The following PRKCZ variants were observed in gnomAD, a reference collection of about 807,000 sequenced individuals.
The protein encoded by PRKCZ is protein kinase C zeta, also known as protein kinase C zeta type.
A neutral mutation model predicts 79.5 loss-of-function variants in PRKCZ; 33 were observed. The observed-to-expected ratio is 0.41, with a 90% confidence interval of 0.31 to 0.55. The LOEUF is 0.55. Among genes scored for constraint, PRKCZ ranks in the 20% least tolerant of loss-of-function variants. PRKCZ has a pLI of 0.19. For missense variants in PRKCZ, 578 were observed against 813.5 expected, an observed-to-expected ratio of 0.71 and a Z score of 3.52; for synonymous variants, 342 against 320.9, an observed-to-expected ratio of 1.07 and a Z score of -0.70.
intron 5 of PRKCZ, among the ~76,000 whole-genome samples, chr1:2,136,555 G>A (rs1281129686): frequency 1.3e-5 from 2 of 152,146 alleles, no homozygotes; most frequent in African/African-American, 4.8e-5. Context: ...CAGTGTCTGG[G>A]AGGCCCTGAG....
intron 1 of PRKCZ, among the ~76,000 whole-genome samples, chr1:2,051,724 C>G (rs565710490): frequency 6.6e-5 from 10 of 152,132 alleles, no homozygotes; most frequent in Non-Finnish European, 1.5e-4. Flanking sequence ...GACAGTGCCC[C>G]GGGGGTCTCT....
chr1:2,096,464 G>A (rs1024967444), intron 4 of PRKCZ, among the ~76,000 whole-genome samples: 14 of 152,218 alleles, frequency 9.2e-5, no homozygotes, highest in Middle Eastern at 3.4e-3. Context: ...CCAGGAACGC[G>A]GTTGTACGGA....
intron 9 of PRKCZ, among the ~76,000 whole-genome samples, chr1:2,155,104 G>T (rs1680671930): frequency 6.6e-6 from 1 of 152,174 alleles, no homozygotes; most frequent in African/African-American, 2.4e-5. Context: ...TGAAGATGAT[G>T]GTGATGATGA....
At chr1:2,108,961 C>T (rs978723284) in intron 4 of PRKCZ, among the ~76,000 whole-genome samples, 1 of 152,158 alleles carries the variant, frequency 6.6e-6, no homozygotes, top group East Asian at 1.9e-4. Context: ...CGTCTGAAGC[C>T]GCCTGCCCCT....
chr1:2,059,625 T>C (rs1179341097), intron 4 of PRKCZ, 34 bp downstream of exon 4: 1 of 1,612,298 alleles, frequency 6.2e-7, no homozygotes, highest in East Asian at 2.2e-5. Flanking sequence ...CGGTCTCGCA[T>C]GTTACGGGGT....
At chr1:2,077,675 C>T (rs1662694414) in intron 4 of PRKCZ, among the ~76,000 whole-genome samples, 1 of 152,222 alleles carries the variant, frequency 6.6e-6, no homozygotes, top group Admixed American at 6.5e-5. Flanking sequence ...CCCTGGTCCT[C>T]CCTGCTGCCC....
At chr1:2,109,304 A>C (rs962500582) in intron 4 of PRKCZ, among the ~76,000 whole-genome samples, 1 of 152,150 alleles carries the variant, frequency 6.6e-6, no homozygotes, top group East Asian at 1.9e-4. Context: ...GGGCACCCAG[A>C]TGGAGGCACT....
In PRKCZ at chr1:2,127,576, C is replaced by T. The variant is rs920069383; in HGVS notation, c.335-7686C>T. ...TATCCAGCGCAGAAGGAATGAAGGA[C>T]TTCTGTTCAGACAGCTCTGCTGGGA... On this transcript the variant is annotated intron_variant, in intron 4 of 17. Transcript: ENST00000378567. This position sits in a 1 kb window ranked among gnomAD's most constrained non-coding sequence, Gnocchi z 5.1. Among the ~76,000 whole-genome samples the T allele has an allele frequency of 6.6e-6, 1 of 152,274 alleles. No individual in the cohort carries two copies. Among genetic ancestry groups the T allele is most frequent in the African/African-American group, 2.4e-5 (1 of 41,478 alleles).
chr1:2,058,942 A>G (rs1660428029), intron 3 of PRKCZ, among the ~76,000 whole-genome samples: 1 of 152,126 alleles, frequency 6.6e-6, no homozygotes, highest in Admixed American at 6.5e-5. Flanking sequence ...TAAAGTTTCA[A>G]TACTTTTATG....
At chr1:2,090,129 C>G (rs1478699644) in intron 4 of PRKCZ, among the ~76,000 whole-genome samples, 3 of 152,166 alleles carry the variant, frequency 2.0e-5, no homozygotes, top group African/African-American at 7.2e-5. Flanking sequence ...CTGTAATGAC[C>G]TCACTCACTT....
At chr1:2,132,429 TGAGCTGCGAG>T (rs1253551026) in intron 4 of PRKCZ, among the ~76,000 whole-genome samples, 1 of 152,226 alleles carries the variant, frequency 6.6e-6, no homozygotes, top group Admixed American at 6.5e-5. Context: ...TCCTCGTTTC[TGAGCTGCGAG>T]GCTCTCCCAG....
chr1:2,155,199 TTGATGATGGCGG>T (rs1378000044), intron 9 of PRKCZ, among the ~76,000 whole-genome samples: 2 of 150,066 alleles, frequency 1.3e-5, no homozygotes, highest in African/African-American at 5.0e-5. Context: ...GATGAAGATG[TTGATGATGGCGG>T]TGATGATGGT....
chr1:2,062,172 A>G (rs947842621), intron 4 of PRKCZ, among the ~76,000 whole-genome samples: 8 of 152,240 alleles, frequency 5.3e-5, no homozygotes, highest in Middle Eastern at 3.2e-3. Flanking sequence ...AAAAAATTCT[A>G]AAGTATACTT....
At chr1:2,116,726 G>A (rs1242079839) in intron 4 of PRKCZ, among the ~76,000 whole-genome samples, 2 of 152,010 alleles carry the variant, frequency 1.3e-5, no homozygotes, top group Non-Finnish European at 2.9e-5. Context: ...CTCCAATTTG[G>A]GGTTTTTAGT....
At chr1:2,116,929 G>C (rs1160540008) in intron 4 of PRKCZ, among the ~76,000 whole-genome samples, 1 of 151,992 alleles carries the variant, frequency 6.6e-6, no homozygotes, top group Non-Finnish European at 1.5e-5. Context: ...ATATCTTTAG[G>C]CCTTTGATTG....
At chr1:2,109,768 C>G (rs1042709665) in intron 4 of PRKCZ, among the ~76,000 whole-genome samples, 1 of 152,120 alleles carries the variant, frequency 6.6e-6, no homozygotes, top group Non-Finnish European at 1.5e-5. Flanking sequence ...CAGGTGAGGT[C>G]CAGGCCATGG....
intron 4 of PRKCZ, among the ~76,000 whole-genome samples, chr1:2,071,732 G>A (rs1161654421): frequency 6.6e-6 from 1 of 152,222 alleles, no homozygotes; most frequent in Non-Finnish European, 1.5e-5. Flanking sequence ...CCGTCTGTGT[G>A]AAGTTTACAC....
intron 4 of PRKCZ, chr1:2,074,331 G>C: frequency 6.5e-7 from 1 of 1,540,182 alleles, no homozygotes; most frequent in Non-Finnish European, 8.8e-7. Flanking sequence ...GCTGGGGGCC[G>C]GGGGGCTTGG....
Position 2,150,676 on chromosome 1 carries a change from G to A in PRKCZ, c.688-114G>A, listed in dbSNP as rs1380390691. 10 of 1,067,096 alleles carry A rather than the reference G, an allele frequency of 9.4e-6. No homozygotes were observed. The Admixed American group carries it at 2.3e-4, about 24-fold the overall frequency. 66.1% of individuals were successfully genotyped at this position (1,067,096 alleles called of 1,614,324 possible). On this transcript the variant is annotated intron_variant, in intron 8 of 17. Transcript: ENST00000378567. ...CGCAGAACTGAGACTCGAATCATGA[G>A]GCCCTGGGCTCTGAGGAGCAGGTCT...
Sources: allele counts gnomAD v4.1 joint callset (sites outside exome capture counted in the v4.1 genomes callset), GRCh38; gene constraint gnomAD v4.1.1; non-coding constraint Gnocchi (gnomAD v3.1); transcripts MANE v1.5; gene names NCBI Gene and HGNC (gene_info 2026-07-23, HGNC 2026-07-21).